Variants in PC observed in about 807,000 individuals in gnomAD.
The protein encoded by PC is pyruvate carboxylase, mitochondrial.
Under a neutral mutation model 107.8 loss-of-function variants are expected in PC, and 46 were observed. The observed-to-expected ratio is 0.43, with a 90% CI of 0.34 to 0.55. PC has a LOEUF of 0.55. Among genes scored for constraint, PC ranks in the 20% least tolerant of loss-of-function variants. The pLI, the probability that PC is intolerant of heterozygous loss-of-function variation, is 0.04. For missense variants in PC, 1,241 were observed against 1,643.1 expected (o/e 0.76, Z 4.23); for synonymous variants, 662 against 684.7 (o/e 0.97, Z 0.52).
chr11:66,850,999 G>T lies in PC; in HGVS notation c.2223+41C>A, dbSNP rs756523607. 5 of 1,610,144 alleles carry T rather than the reference G, an allele frequency of 3.1e-6. No individual in the cohort carries two copies. In the South Asian group the frequency reaches 5.5e-5, roughly 18 times the overall value. On this transcript the variant is annotated intron_variant, in intron 17 of 22. Coordinates refer to ENST00000393960, the MANE Select transcript of PC (RefSeq NM_001040716.2). ...TGTGCCTGTGGGTGGCGGGGACATG[G>T]CCGGGGCAGAGAGGGAGGGACGGAC...
At position 66,857,480 on chromosome 11, in the gene PC, C is replaced by T. The variant is rs1288545518; in HGVS notation, c.1369-4097G>A. The T allele has an allele frequency of 1.5e-5, 7 of 452,774 alleles. No homozygotes were observed. Among genetic ancestry groups the T allele is most frequent in the Admixed American group, 1.1e-4 (3 of 26,158 alleles). The allele number at this position is 452,774 out of a possible 1,614,324, so 28.0% of individuals were successfully genotyped here. A position where few individuals can be genotyped will look rare whatever the true frequency, so the allele number is the denominator to read the frequency against. ...ACCCTCCCTGCTCTCGGTCCTCCTC[C>T]GCTTCCTGCCTCATGCCTCACCTTG... is the stretch of plus-strand genomic sequence containing the variant. On this transcript the variant is annotated intron_variant, in intron 12 of 22. Coordinates refer to ENST00000393960, the MANE Select transcript of PC (RefSeq NM_001040716.2). This position sits in a 1 kb window ranked among gnomAD's most constrained non-coding sequence, Gnocchi z 7.1.
rs556753528 is a variant in PC, at chr11:66,887,045, ATG to A, written c.1-14888_1-14887del. ...TGAGGCATCACATGGCTGTTGGGGA[ATG>A]TGTGGAAGGTCCTCTCGGCTCCACA... is the stretch of plus-strand genomic sequence containing the variant. On this transcript the variant is annotated intron_variant, in intron 3 of 22. Coordinates refer to ENST00000393960, the MANE Select transcript of PC (RefSeq NM_001040716.2). Among the ~76,000 whole-genome samples the A allele has an allele frequency of 1.3e-4, 20 of 152,292 alleles. No homozygotes were observed. In the South Asian group the frequency reaches 4.1e-3, roughly 32 times the overall value.
intron 3 of PC, among the ~76,000 whole-genome samples, chr11:66,949,878 A>C (rs117509673): frequency 0.014 from 2,188 of 152,254 alleles, 17 homozygotes; most frequent in Non-Finnish European, 0.023. Flanking sequence ...TTTGCATTAC[A>C]TAAAAATCCA....
In PC at chr11:66,849,385, T is replaced by G; in HGVS notation, c.3148-15A>C. 1 of 1,611,936 alleles carries G rather than the reference T, an allele frequency of 6.2e-7. No individual in the cohort carries two copies. The highest frequency in any genetic ancestry group is 8.5e-7 in the Non-Finnish European group (1 of 1,179,986). On this transcript the variant is annotated splice_polypyrimidine_tract_variant and intron_variant, in intron 21 of 22. Coordinates refer to ENST00000393960, the MANE Select transcript of PC (RefSeq NM_001040716.2). ...TCCAGCTCCACCTGCAGGGAGGGTG[T>G]GCAGACTCAGAGCTGGACGCCAAGG...
At chr11:66,924,368 C>CAAAAAAAAA (rs1948664294) in intron 3 of PC, among the ~76,000 whole-genome samples, 1 of 8,354 alleles carries the variant, frequency 1.2e-4, no homozygotes, top group African/African-American at 2.8e-4. Flanking sequence ...CCCATCTCTA[C>CAAAAAAAAA]CAAAAAAAAA....
At chr11:66,910,642 A>G (rs1591270905) in intron 3 of PC, among the ~76,000 whole-genome samples, 1 of 152,184 alleles carries the variant, frequency 6.6e-6, no homozygotes, top group Admixed American at 6.5e-5. Context: ...CCCAGAGTTA[A>G]TTGTCAAAGA....
intron 12 of PC, 69 bp downstream of exon 12, chr11:66,863,705 G>T (rs1052309122): frequency 1.9e-5 from 28 of 1,502,426 alleles, no homozygotes; most frequent in Non-Finnish European, 2.3e-5. Context: ...GCCCTTGGTG[G>T]GGAAGTGAAC....
chr11:66,854,958 G>A (rs933811894), intron 12 of PC, among the ~76,000 whole-genome samples: 1 of 152,240 alleles, frequency 6.6e-6, no homozygotes, highest in Non-Finnish European at 1.5e-5. Context: ...AGCCCCGAGC[G>A]CGCAGAGTGA....
At chr11:66,894,545 G>A (rs1017456985) in intron 3 of PC, among the ~76,000 whole-genome samples, 4 of 152,232 alleles carry the variant, frequency 2.6e-5, no homozygotes, top group Admixed American at 6.5e-5. Flanking sequence ...GACTGCAGAA[G>A]CTGGAGCGCA....
intron 3 of PC, among the ~76,000 whole-genome samples, chr11:66,890,411 T>G (rs1438837319): frequency 7.1e-6 from 1 of 141,466 alleles, no homozygotes; most frequent in Non-Finnish European, 1.5e-5. Context: ...TTTTTTTTTT[T>G]GAGATGGAGT....
rs1241785388 is a variant in PC at position 66,866,822 on chromosome 11, G to T, written c.1023-473C>A. 6.6e-6 allele frequency among the ~76,000 whole-genome samples: 1 copy of T among 152,180 alleles called. No individual in the cohort carries two copies. The highest frequency in any genetic ancestry group is 2.4e-5 in the African/African-American group (1 of 41,436). On this transcript the variant is annotated intron_variant, in intron 10 of 22. Coordinates refer to ENST00000393960, the MANE Select transcript of PC (RefSeq NM_001040716.2). The surrounding 1 kb of genome is among the most constrained non-coding windows in gnomAD (Gnocchi z 5.4). ...GCTATGCTGTGTGGGTGGTTGTGAGGGGGGCAGTGTGCAAGGGAACAGGTG... is the reference window on the plus strand; with the variant it reads ...GCTATGCTGTGTGGGTGGTTGTGAGTGGGGCAGTGTGCAAGGGAACAGGTG...
intron 3 of PC, among the ~76,000 whole-genome samples, chr11:66,922,212 C>G (rs1183421133): frequency 6.6e-6 from 1 of 152,172 alleles, no homozygotes; most frequent in African/African-American, 2.4e-5. Context: ...GTTGAACTTT[C>G]ACTCAATAAA....
chr11:66,903,317 G>A (rs1442326328), intron 3 of PC, among the ~76,000 whole-genome samples: 1 of 152,168 alleles, frequency 6.6e-6, no homozygotes, highest in East Asian at 1.9e-4. Context: ...ATTCATAATA[G>A]CTGGAGTGCC....
chr11:66,849,465 C>T (rs1945339546), intron 21 of PC, 95 bp from the exon 22 acceptor site: 3 of 1,602,334 alleles, frequency 1.9e-6, no homozygotes, highest in Non-Finnish European at 1.7e-6. Context: ...TGGGCCTTGG[C>T]TCCTCGTTCC....
intron 3 of PC, among the ~76,000 whole-genome samples, chr11:66,916,210 C>G (rs527296612): frequency 2.6e-5 from 4 of 152,212 alleles, no homozygotes; most frequent in African/African-American, 9.6e-5. Flanking sequence ...CAGCTGTAGA[C>G]AGCAAGCCTG....
At chr11:66,907,147 T>G (rs916242647) in intron 3 of PC, among the ~76,000 whole-genome samples, 1 of 152,188 alleles carries the variant, frequency 6.6e-6, no homozygotes, top group Non-Finnish European at 1.5e-5. Flanking sequence ...ATGTGGCCTT[T>G]CCCTCAACTG....
At chr11:66,889,830 A>G (rs1371853443) in intron 3 of PC, among the ~76,000 whole-genome samples, 4 of 152,044 alleles carry the variant, frequency 2.6e-5, no homozygotes, top group African/African-American at 9.7e-5. Context: ...CAGAGTTACT[A>G]CTTCCCCTTT....
chr11:66,946,743 C>T (rs112429875), intron 3 of PC, among the ~76,000 whole-genome samples: 7 of 152,164 alleles, frequency 4.6e-5, no homozygotes, highest in East Asian at 3.9e-4. Flanking sequence ...GAGCCACGAT[C>T]GCATCAGTGC....
intron 3 of PC, among the ~76,000 whole-genome samples, chr11:66,879,740 G>A (rs901952605): frequency 2.0e-5 from 3 of 152,138 alleles, no homozygotes; most frequent in South Asian, 2.1e-4. Flanking sequence ...CTGCTCCCTC[G>A]GCCCCCTAGG....
Sources: allele counts gnomAD v4.1 joint callset (sites outside exome capture counted in the v4.1 genomes callset), GRCh38; gene constraint gnomAD v4.1.1; non-coding constraint Gnocchi (gnomAD v3.1); transcripts MANE v1.5; gene names NCBI Gene and HGNC (gene_info 2026-07-23, HGNC 2026-07-21).